The following TATDN1 variants were observed in gnomAD, a reference collection of about 807,000 sequenced individuals.
TATDN1 encodes the protein TatD DNase domain containing 1.
In TATDN1, 40 loss-of-function variants were observed where a neutral mutation model predicts 46.4. The observed-to-expected ratio is 0.86, with a 90% CI of 0.67 to 1.12. The LOEUF (loss-of-function observed/expected upper bound fraction) is 1.12, where lower values mean the gene tolerates loss of function less well. Ranked by LOEUF, TATDN1 falls within the 50% of genes most tolerant of loss-of-function variation. The pLI is 0.00. For synonymous variants in TATDN1, 95 were observed against 105.6 expected, an observed-to-expected ratio of 0.90 and a Z score of 0.62; for missense variants, 326 against 348.4, an observed-to-expected ratio of 0.94 and a Z score of 0.51.
chr8:124,512,958 G>A (rs560994769), intron 6 of TATDN1, among the ~76,000 whole-genome samples: 12 of 151,756 alleles, frequency 7.9e-5, no homozygotes, highest in African/African-American at 2.7e-4. Context: ...TCTGTTGCCC[G>A]GGCTGGAGTC....
chr8:124,537,374 T>G (rs1821539484), intron 1 of TATDN1, among the ~76,000 whole-genome samples: 1 of 152,204 alleles, frequency 6.6e-6, no homozygotes, highest in Non-Finnish European at 1.5e-5. Flanking sequence ...ACTGCCACTC[T>G]AAAACCTTGT....
rs779765548 is a variant in TATDN1, at chr8:124,495,490, T to G, written c.646A>C (p.Lys216Gln). ...AACTTACCTGTCTCAATCATTAATT[T>G]TTCACTAGGAATTGACTTCAAAACT... ...LEVLKSIPSE[K>Q]LMIETDAPWC... Residue 216 changes from lysine (K) to glutamine (Q), a missense_variant, in exon 10 of 12, where the codon AAA becomes CAA. Coordinates refer to ENST00000276692, the MANE Select transcript of TATDN1 (RefSeq NM_032026.4). 2 of 1,608,852 alleles carry G rather than the reference T, an allele frequency of 1.2e-6. No individual in the cohort carries two copies. The highest frequency in any genetic ancestry group is 1.7e-6 in the Non-Finnish European group (2 of 1,178,440).
chr8:124,498,215 G>A (rs1817651248), intron 9 of TATDN1, among the ~76,000 whole-genome samples: 2 of 152,088 alleles, frequency 1.3e-5, no homozygotes, highest in African/African-American at 2.4e-5. Flanking sequence ...CTGTTTTACT[G>A]CCAGTTCTCT....
chr8:124,496,880 C>A (rs959562066), intron 9 of TATDN1, among the ~76,000 whole-genome samples: 1 of 152,138 alleles, frequency 6.6e-6, no homozygotes, highest in African/African-American at 2.4e-5. Flanking sequence ...ATCCACTTAC[C>A]CCTATTCCTC....
chr8:124,494,685 C>CA (rs1219043858), intron 10 of TATDN1: 1 of 151,880 alleles, frequency 6.6e-6, no homozygotes, highest in African/African-American at 2.4e-5. Context: ...GCTGGGACTA[C>CA]AGGCAAGTGC....
rs758223628 is a variant in TATDN1, at chr8:124,504,747, CT to C, written c.517-401del. On this transcript the variant is annotated intron_variant, in intron 8 of 11. Transcript: ENST00000276692. The stretch of plus-strand genomic sequence containing the variant: ...CTGATGAATTTTCTGTTAGAGGATA[CT>C]TTTTTTTTTTTTTTTGAGATGGAGT... 498 of 137,208 alleles carry C rather than the reference CT, an allele frequency of 3.6e-3. 1 individual carries two copies. The highest frequency in any genetic ancestry group is 7.3e-3 in the Middle Eastern group (2 of 274). The allele number at this position is 137,208 out of a possible 1,614,324, so 8.5% of individuals were successfully genotyped here.
chr8:124,489,649 G>C (rs571239355), intron 11 of TATDN1: 1 of 152,210 alleles, frequency 6.6e-6, no homozygotes, highest in African/African-American at 2.4e-5. Flanking sequence ...TCCTGACCTT[G>C]TGATCCACCC....
chr8:124,506,334 CAAAAAAAAAAAA>C (rs56023168), intron 8 of TATDN1, among the ~76,000 whole-genome samples: 2 of 52,526 alleles, frequency 3.8e-5, no homozygotes, highest in African/African-American at 7.0e-5. Flanking sequence ...GGCTCTGTCT[CAAAAAAAAAAAA>C]AAAAAAAAAA....
chr8:124,494,289 C>G (rs1817272565), intron 10 of TATDN1: 1 of 165,004 alleles, frequency 6.1e-6, no homozygotes, highest in African/African-American at 2.4e-5. Context: ...TTTTCAAAAT[C>G]TTTTTCGCTA....
chr8:124,488,864 T>C, intron 11 of TATDN1, 168 bp from the exon 12 acceptor site: 1 of 583,534 alleles, frequency 1.7e-6, no homozygotes, highest in Non-Finnish European at 3.0e-6. Flanking sequence ...TTACTGCCAG[T>C]AACTGGAAAC....
At chr8:124,538,850 G>A (rs1821742919) in intron 1 of TATDN1, 175 bp downstream of exon 1, 1 of 683,644 alleles carries the variant, frequency 1.5e-6, no homozygotes, top group Non-Finnish European at 2.6e-6. Flanking sequence ...CCAGAACCTA[G>A]ATCAAGAACC....
chr8:124,537,492 T>G (rs1821554627), intron 1 of TATDN1, among the ~76,000 whole-genome samples: 1 of 152,176 alleles, frequency 6.6e-6, no homozygotes, highest in African/African-American at 2.4e-5. Flanking sequence ...GTGTAAGCAT[T>G]TAGGCTATCC....
chr8:124,518,146 C>T (rs1208951620), intron 4 of TATDN1, among the ~76,000 whole-genome samples: 1 of 118,324 alleles, frequency 8.5e-6, no homozygotes, highest in Non-Finnish European at 1.7e-5. Context: ...AGGGAGGTGG[C>T]GCGCGCAGTG....
intron 11 of TATDN1, among the ~76,000 whole-genome samples, chr8:124,492,980 C>T (rs945424505): frequency 5.9e-5 from 9 of 152,060 alleles, no homozygotes; most frequent in African/African-American, 2.2e-4. Context: ...ACTTTGTCAG[C>T]TCAAGCATGT....
At chr8:124,523,163 T>C in intron 1 of TATDN1, 161 bp from the exon 2 acceptor site, 2 of 616,776 alleles carry the variant, frequency 3.2e-6, no homozygotes, top group East Asian at 2.8e-5. Context: ...AAACATGGGA[T>C]ACAAAGATGA....
At chr8:124,513,455 G>A (rs147637774) in intron 6 of TATDN1, among the ~76,000 whole-genome samples, 108 of 152,222 alleles carry the variant, frequency 7.1e-4, no homozygotes, top group African/African-American at 2.4e-3. Flanking sequence ...CTTGGAAAAA[G>A]TCTTATTCTT....
intron 4 of TATDN1, among the ~76,000 whole-genome samples, 181 bp from the exon 5 acceptor site, chr8:124,516,211 T>C (rs530570540): frequency 6.6e-6 from 1 of 152,200 alleles, no homozygotes; most frequent in East Asian, 1.9e-4. Context: ...CTAAACAAAG[T>C]AGGAGATGAA....
At chr8:124,497,842 CTA>C (rs575987873) in intron 9 of TATDN1, among the ~76,000 whole-genome samples, 272 of 152,298 alleles carry the variant, frequency 1.8e-3, no homozygotes, top group African/African-American at 5.8e-3. Context: ...AGAAAATTCT[CTA>C]TGTCTACTAC....
At chr8:124,533,799 T>G (rs1821181778) in intron 1 of TATDN1, among the ~76,000 whole-genome samples, 1 of 152,012 alleles carries the variant, frequency 6.6e-6, no homozygotes, top group East Asian at 1.9e-4. Context: ...AATTTTATTT[T>G]TATTTCACAG....
Sources: allele counts gnomAD v4.1 joint callset (sites outside exome capture counted in the v4.1 genomes callset), GRCh38; gene constraint gnomAD v4.1.1; transcripts MANE v1.5; gene names NCBI Gene and HGNC (gene_info 2026-07-23, HGNC 2026-07-21).